Variants in KCNH5 observed in about 807,000 individuals in gnomAD.
The protein encoded by KCNH5 is potassium voltage-gated channel subfamily H member 5.
A neutral mutation model predicts 96.1 loss-of-function variants in KCNH5; 46 were observed. The ratio of observed to expected loss-of-function variants is 0.48; its 90% CI spans 0.38 to 0.61. The LOEUF (loss-of-function observed/expected upper bound fraction) is 0.61, where lower values mean the gene tolerates loss of function less well. Among genes scored for constraint, KCNH5 ranks in the 20% least tolerant of loss-of-function variants. The pLI is 0.00. For missense variants in KCNH5, 907 were observed against 1,225.8 expected, an observed-to-expected ratio of 0.74 and a Z score of 3.88; for synonymous variants, 439 against 449.8, an observed-to-expected ratio of 0.98 and a Z score of 0.30.
intron 7 of KCNH5, among the ~76,000 whole-genome samples, chr14:62,853,347 G>T (rs1315992411): frequency 6.6e-6 from 1 of 150,816 alleles, no homozygotes; most frequent in African/African-American, 2.4e-5. Flanking sequence ...CGCTAAATGA[G>T]ATAACGCATA....
chr14:62,895,001 C>A (rs1888782894), intron 7 of KCNH5, among the ~76,000 whole-genome samples: 1 of 152,150 alleles, frequency 6.6e-6, no homozygotes, highest in East Asian at 1.9e-4. Flanking sequence ...ATTCATAACA[C>A]TGAACTTAAT....
chr14:63,041,159 G>A (rs1182398014), intron 1 of KCNH5, among the ~76,000 whole-genome samples: 1 of 152,064 alleles, frequency 6.6e-6, no homozygotes, highest in Non-Finnish European at 1.5e-5. Flanking sequence ...CAACATATGA[G>A]TAAAATGTGC....
intron 7 of KCNH5, among the ~76,000 whole-genome samples, chr14:62,874,162 A>G (rs969136335): frequency 6.6e-6 from 1 of 152,232 alleles, no homozygotes; most frequent in Non-Finnish European, 1.5e-5. Context: ...TTACTACTAC[A>G]GAAGATTTTA....
chr14:62,930,473 T>C (rs1382006472), intron 7 of KCNH5, among the ~76,000 whole-genome samples: 2 of 152,186 alleles, frequency 1.3e-5, no homozygotes, highest in African/African-American at 4.8e-5. Context: ...GCAATGTTTA[T>C]ATAACAATGT....
intron 8 of KCNH5, among the ~76,000 whole-genome samples, chr14:62,822,834 A>C (rs778120792): frequency 3.6e-4 from 55 of 152,210 alleles, no homozygotes; most frequent in Non-Finnish European, 6.5e-4. Context: ...AAGAACACCA[A>C]AAATTTAATC....
At chr14:62,739,374 G>A (rs1885224342) in intron 10 of KCNH5, among the ~76,000 whole-genome samples, 1 of 152,130 alleles carries the variant, frequency 6.6e-6, no homozygotes, top group African/African-American at 2.4e-5. Flanking sequence ...TTTATTTGAA[G>A]CCTACAGTTG....
chr14:62,818,976 AT>A (rs1430835908), intron 8 of KCNH5, among the ~76,000 whole-genome samples: 5 of 151,866 alleles, frequency 3.3e-5, no homozygotes, highest in African/African-American at 1.2e-4. Flanking sequence ...TTATCTATTT[AT>A]TTTTTTTGAG....
In KCNH5 at chr14:62,719,110, G is replaced by C. The variant is rs545135817; in HGVS notation, c.2020-10655C>G. ...GGTTTCTTCTGGGGATGATGAAAAT[G>C]TTCTAGAATTAGATAATGGGGATGG... On this transcript the variant is annotated intron_variant, in intron 10 of 10. Coordinates refer to ENST00000322893, the MANE Select transcript of KCNH5 (RefSeq NM_139318.5). 3.3e-5 allele frequency among the ~76,000 whole-genome samples: 5 copies of C among 152,310 alleles called. No homozygotes were observed. In the East Asian group the frequency reaches 9.6e-4, roughly 29 times the overall value.
chr14:62,786,063 C>T (rs908177755), intron 9 of KCNH5, among the ~76,000 whole-genome samples: 5 of 151,768 alleles, frequency 3.3e-5, no homozygotes, highest in African/African-American at 7.3e-5. Flanking sequence ...CAGTGGCGGG[C>T]GCCTGTAATC....
Position 63,025,616 on chromosome 14 carries a change from G to A in KCNH5, c.74-8662C>T, listed in dbSNP as rs1891509208. On this transcript the variant is annotated intron_variant, in intron 1 of 10. Transcript: ENST00000322893. ...CAAGAAAACAATACCATTTACAATA[G>A]TAACAAAAAAAAAAACAGTACTTAG... Among the ~76,000 whole-genome samples, 4 of 21,304 alleles carry A rather than the reference G, an allele frequency of 1.9e-4. No individual in the cohort carries two copies. In the South Asian group the frequency reaches 0.016, roughly 86 times the overall value. The allele number at this position is 21,304 out of a possible 152,430, so 14.0% of individuals were successfully genotyped here.
intron 1 of KCNH5, among the ~76,000 whole-genome samples, chr14:63,019,412 T>C (rs1263836993): frequency 2.6e-5 from 4 of 152,062 alleles, no homozygotes; most frequent in African/African-American, 4.8e-5. Flanking sequence ...AGAACAAAGT[T>C]CTACTATAGT....
chr14:62,987,759 A>G (rs1400825282), intron 4 of KCNH5, among the ~76,000 whole-genome samples: 1 of 152,210 alleles, frequency 6.6e-6, no homozygotes, highest in Non-Finnish European at 1.5e-5. Context: ...TTGGACTGTT[A>G]CATGAGCAAG....
chr14:62,800,055 T>A (rs1308474978), intron 9 of KCNH5, among the ~76,000 whole-genome samples: 1 of 151,452 alleles, frequency 6.6e-6, no homozygotes, highest in Non-Finnish European at 1.5e-5. Flanking sequence ...TCCTCCTCCT[T>A]TCTTAAAACA....
chr14:62,796,456 C>T (rs1444045814), intron 9 of KCNH5, among the ~76,000 whole-genome samples: 2 of 152,166 alleles, frequency 1.3e-5, no homozygotes, highest in African/African-American at 4.8e-5. Context: ...CAATTTCAAT[C>T]CCTCCTTCCA....
At chr14:62,824,229 T>C (rs1036328902) in intron 8 of KCNH5, among the ~76,000 whole-genome samples, 2 of 151,874 alleles carry the variant, frequency 1.3e-5, no homozygotes, top group African/African-American at 4.8e-5. Flanking sequence ...AACCAATGCT[T>C]GAGATTCCAA....
At chr14:62,990,416 G>T (rs1432551941) in intron 4 of KCNH5, among the ~76,000 whole-genome samples, 2 of 152,036 alleles carry the variant, frequency 1.3e-5, no homozygotes, top group African/African-American at 2.4e-5. Context: ...CATGAAGTCA[G>T]TGTGATCAAG....
chr14:62,891,025 T>A (rs1888701326), intron 7 of KCNH5, among the ~76,000 whole-genome samples: 1 of 152,174 alleles, frequency 6.6e-6, no homozygotes, highest in African/African-American at 2.4e-5. Flanking sequence ...AAAGTAGAAC[T>A]GCCATTCAAA....
intron 10 of KCNH5, among the ~76,000 whole-genome samples, chr14:62,727,047 G>T (rs1298801642): frequency 6.6e-6 from 1 of 152,090 alleles, no homozygotes; most frequent in African/African-American, 2.4e-5. Flanking sequence ...ATATAAAAAA[G>T]AGGCAAAATG....
At chr14:62,887,862 T>G (rs983078377) in intron 7 of KCNH5, among the ~76,000 whole-genome samples, 6 of 152,194 alleles carry the variant, frequency 3.9e-5, no homozygotes, top group South Asian at 2.1e-4. Context: ...ATGAAACTTT[T>G]GGGGCCTCAT....
Sources: gnomAD v4.1 joint callset for allele counts (sites outside exome capture counted in the v4.1 genomes callset) on GRCh38, gnomAD v4.1.1 for gene constraint, MANE v1.5 for transcripts, NCBI Gene and HGNC (gene_info 2026-07-23, HGNC 2026-07-21) for gene names.